NT5DC3: variants seen among roughly 807,000 people sequenced by gnomAD.
NT5DC3 encodes the protein 5'-nucleotidase domain-containing protein 3.
NT5DC3 carries 42 observed loss-of-function variants against 67.8 expected under a neutral mutation model. The ratio of observed to expected loss-of-function variants is 0.62; its 90% CI spans 0.48 to 0.80. The LOEUF (loss-of-function observed/expected upper bound fraction) is 0.80, where lower values mean the gene tolerates loss of function less well. Among genes scored for constraint, NT5DC3 ranks in the 30% least tolerant of loss-of-function variants. The pLI, the probability that NT5DC3 is intolerant of heterozygous loss-of-function variation, is 0.00. For missense variants in NT5DC3, 570 were observed against 696.4 expected (o/e 0.82, Z 2.04); for synonymous variants, 237 against 255.6 (o/e 0.93, Z 0.69).
intron 1 of NT5DC3, among the ~76,000 whole-genome samples, chr12:103,837,916 C>G (rs1216858717): frequency 6.6e-6 from 1 of 152,178 alleles, no homozygotes; most frequent in East Asian, 1.9e-4. Context: ...CAGCAACACC[C>G]CACTCTACTG....
rs1410743881 is a variant in NT5DC3 at position 103,777,162 on chromosome 12, A to G, written c.*667T>C. On this transcript the variant is annotated 3_prime_UTR_variant, in exon 14 of 14. Coordinates refer to ENST00000392876, the MANE Select transcript of NT5DC3 (RefSeq NM_001031701.3). ...CATCTCCTCTCTCCTGCCCTCCTCC[A>G]TGCTGGGGAAGGACGCAGGAACCAC... The G allele has an allele frequency of 2.6e-5, 2 of 77,296 alleles. No individual in the cohort carries two copies. Among genetic ancestry groups the G allele is most frequent in the Non-Finnish European group, 5.7e-5 (2 of 35,116 alleles). The allele number at this position is 77,296 out of a possible 1,614,324, so 4.8% of individuals were successfully genotyped here.
intron 9 of NT5DC3, among the ~76,000 whole-genome samples, chr12:103,789,940 T>C (rs74600793): frequency 0.093 from 14,216 of 152,314 alleles, 900 homozygotes; most frequent in East Asian, 0.25. Flanking sequence ...TCAGTCTTTT[T>C]ATGAAATTTA....
Position 103,774,605 on chromosome 12 carries a change from AC to A in NT5DC3, c.*3223del, listed in dbSNP as rs1885279704. ...AGGCTGAGGCAGGAGAATCACTTGA[AC>A]CCAGGAGGCGGAGGTTGGAGTGAGC... is the stretch of plus-strand genomic sequence containing the variant. On this transcript the variant is annotated 3_prime_UTR_variant, in exon 14 of 14. Transcript: ENST00000392876. The A allele has an allele frequency of 6.7e-6, 1 of 149,726 alleles. No individual in the cohort carries two copies. The highest frequency in any genetic ancestry group is 1.5e-5 in the Non-Finnish European group (1 of 67,814). 9.3% of individuals were successfully genotyped at this position (149,726 alleles called of 1,614,324 possible). A position where few individuals can be genotyped will look rare whatever the true frequency, so the allele number is the denominator to read the frequency against.
In NT5DC3 at chr12:103,780,315, T is replaced by C. The variant is rs756677066; in HGVS notation, c.1379A>G (p.Glu460Gly). The change falls in exon 13 of 14, where the codon GAA becomes GGA. Residue 460 changes from glutamate (E) to glycine (G), a missense_variant. Physicochemically the swap from Glu to Gly is moderately conservative, Grantham distance 98. Around this residue, in one of 2 missense-constraint regions of NT5DC3, gnomAD observed 466 missense variants for 608.0 expected, o/e 0.77. Coordinates refer to ENST00000392876, the MANE Select transcript of NT5DC3 (RefSeq NM_001031701.3). ...SQLVLQEWKKERKEMREMTKS... is the reference protein window; with the variant it reads ...SQLVLQEWKKGRKEMREMTKS... ...CCTCTCTTACCGCATCTCCTTCCTTTCCTTTTTCCACTCCTGCAAAACCAG... is the reference window on the plus strand; with the variant it reads ...CCTCTCTTACCGCATCTCCTTCCTTCCCTTTTTCCACTCCTGCAAAACCAG... 1 of 1,614,078 alleles carries C rather than the reference T, an allele frequency of 6.2e-7. No individual in the cohort carries two copies. The highest frequency in any genetic ancestry group is 1.1e-5 in the South Asian group (1 of 91,080).
At chr12:103,769,837 T>A (rs1006261802), downstream of NT5DC3, among the ~76,000 whole-genome samples, 2 of 152,282 alleles carry the variant, frequency 1.3e-5, no homozygotes, top group Non-Finnish European at 2.9e-5. Context: ...TGTGTTAGCT[T>A]GTTAATTGCT....
chr12:103,814,379 G>A (rs990784469), intron 2 of NT5DC3, among the ~76,000 whole-genome samples: 1 of 152,160 alleles, frequency 6.6e-6, no homozygotes, highest in East Asian at 1.9e-4. Context: ...CAAAGGGTAC[G>A]GGCCCACAAG....
At chr12:103,838,944 T>C (rs936674082) in intron 1 of NT5DC3, among the ~76,000 whole-genome samples, 16 of 152,016 alleles carry the variant, frequency 1.1e-4, no homozygotes, top group African/African-American at 3.9e-4. Context: ...GCTCCAGGGA[T>C]TGGGGACAAG....
chr12:103,831,609 C>A (rs368248514), intron 1 of NT5DC3, among the ~76,000 whole-genome samples: 32 of 152,082 alleles, frequency 2.1e-4, no homozygotes, highest in African/African-American at 7.5e-4. Flanking sequence ...GAAGGAAGCA[C>A]TCTGTGGCCA....
At chr12:103,749,029 C>T in the NT5DC3 span, 44 of 1,613,922 alleles carry the variant, frequency 2.7e-5, no homozygotes, top group East Asian at 8.9e-5. Context: ...CAGAAGGGCA[C>T]GAAGGTCTCC....
the NT5DC3 span, chr12:103,758,088 T>C: frequency 6.3e-7 from 1 of 1,585,274 alleles, no homozygotes; most frequent in South Asian, 1.1e-5. Context: ...CACAGATGGG[T>C]GATGCCCTGG....
intron 1 of NT5DC3, among the ~76,000 whole-genome samples, chr12:103,834,903 G>A (rs907788854): frequency 2.0e-5 from 3 of 150,772 alleles, no homozygotes; most frequent in African/African-American, 7.3e-5. Flanking sequence ...CTTGCAACTG[G>A]GGGTGGGGAG....
chr12:103,789,025 T>TA (rs1284145883), intron 9 of NT5DC3, 106 bp from the exon 10 acceptor site: 144 of 775,408 alleles, frequency 1.9e-4, no homozygotes, highest in Middle Eastern at 6.4e-4. Flanking sequence ...TGCAAAAACC[T>TA]AAAAAAAACC....
At chr12:103,758,686 C>A in the NT5DC3 span, among the ~76,000 whole-genome samples, 1 of 152,180 alleles carries the variant, frequency 6.6e-6, no homozygotes, top group African/African-American at 2.4e-5. Flanking sequence ...GCATGGGGGG[C>A]AAAGGGCCAG....
Position 103,777,743 on chromosome 12 carries a change from A to G in NT5DC3, c.*86T>C. The G allele has an allele frequency of 7.0e-7, 1 of 1,426,728 alleles. No individual in the cohort carries two copies. Among genetic ancestry groups the G allele is most frequent in the South Asian group, 1.4e-5 (1 of 73,938 alleles). The allele number at this position is 1,426,728 out of a possible 1,614,324, so 88.4% of individuals were successfully genotyped here. On this transcript the variant is annotated 3_prime_UTR_variant, in exon 14 of 14. Transcript: ENST00000392876. ...CAAAAGGCTTATCTGTATCTTTTCC[A>G]AAAGCAACACTCAGACCCACATGAA... is the stretch of plus-strand genomic sequence containing the variant.
At chr12:103,753,246 C>A in the NT5DC3 span, 2 of 1,614,224 alleles carry the variant, frequency 1.2e-6, no homozygotes, top group Non-Finnish European at 1.7e-6. Flanking sequence ...GTTCCATCTA[C>A]GCTCCCCACT....
intron 4 of NT5DC3, among the ~76,000 whole-genome samples, chr12:103,802,698 C>A (rs1886637933): frequency 6.6e-6 from 1 of 152,078 alleles, no homozygotes; most frequent in Admixed American, 6.6e-5. Flanking sequence ...GCCCCTGGAG[C>A]CAGCCACACC....
the NT5DC3 span, chr12:103,748,897 C>A: frequency 6.5e-7 from 1 of 1,543,848 alleles, no homozygotes; most frequent in Non-Finnish European, 8.8e-7. Flanking sequence ...GTGCCCCATA[C>A]CCTGACCTGA....
intron 1 of NT5DC3, among the ~76,000 whole-genome samples, chr12:103,840,335 A>T (rs2139503948): frequency 6.6e-6 from 1 of 151,770 alleles, no homozygotes; most frequent in East Asian, 1.9e-4. Flanking sequence ...GATAACCCAG[A>T]ACCTTCCCCA....
At position 103,787,436 on chromosome 12, in the gene NT5DC3, C is replaced by T. The variant is rs777717369; in HGVS notation, c.1188+5G>A. 2.6e-6 allele frequency: 4 copies of T among 1,531,326 alleles called. No homozygotes were observed. Among genetic ancestry groups the T allele is most frequent in the Admixed American group, 1.9e-5 (1 of 51,762 alleles). 94.9% of individuals were successfully genotyped at this position (1,531,326 alleles called of 1,614,324 possible). On this transcript the variant is annotated splice_donor_5th_base_variant and intron_variant, in intron 11 of 13. Transcript: ENST00000392876. Reference sequence around the variant, plus strand: ...CCCCCAACAAAGGAAAAAAGGGCCCCTCACCGCCAGGTCACTGTATATATG... The same window carrying T: ...CCCCCAACAAAGGAAAAAAGGGCCCTTCACCGCCAGGTCACTGTATATATG...
Sources: gnomAD v4.1 joint callset for allele counts (sites outside exome capture counted in the v4.1 genomes callset) on GRCh38, gnomAD v4.1.1 for gene constraint, gnomAD v4.1.1 regional missense constraint, MANE v1.5 for transcripts, NCBI Gene and HGNC (gene_info 2026-07-23, HGNC 2026-07-21) for gene names.